The following PACC1 variants were observed in gnomAD, a reference collection of about 807,000 sequenced individuals.
PACC1 encodes the protein proton-activated chloride channel.
Under a neutral mutation model 39.7 loss-of-function variants are expected in PACC1, and 34 were observed. The ratio of observed to expected loss-of-function variants is 0.86; its 90% CI spans 0.65 to 1.14. PACC1 has a LOEUF of 1.14. Among genes scored for constraint, PACC1 ranks in the 50% most tolerant of loss-of-function variants. The pLI is 0.00. For synonymous variants in PACC1, 127 were observed against 160.6 expected (o/e 0.79, Z 1.58); for missense variants, 379 against 436.4 (o/e 0.87, Z 1.17).
rs900689039 is a variant in PACC1, at chr1:212,378,063, G to A, written c.639-357C>T. The stretch of plus-strand genomic sequence containing the variant: ...TGGCAGAAGCTCCCCAGAACATGGC[G>A]CTCACAGCTCCTCAGAGAACTCTGG... On this transcript the variant is annotated intron_variant, in intron 5 of 7. Coordinates refer to ENST00000261455, the MANE Select transcript of PACC1 (RefSeq NM_018252.3). Among the ~76,000 whole-genome samples, 8 of 152,226 alleles carry A rather than the reference G, an allele frequency of 5.3e-5. 1 individual carries two copies. The highest frequency in any genetic ancestry group is 3.9e-4 in the East Asian group (2 of 5,170).
At chr1:212,393,404 A>G (rs1439323222) in intron 2 of PACC1, among the ~76,000 whole-genome samples, 5 of 152,244 alleles carry the variant, frequency 3.3e-5, no homozygotes, top group Non-Finnish European at 7.3e-5. Context: ...GAAAGACACA[A>G]CATACCAGAA....
At chr1:212,375,172 A>G (rs367578114) in intron 7 of PACC1, 21 bp downstream of exon 7, 2 of 1,518,732 alleles carry the variant, frequency 1.3e-6, no homozygotes, top group African/African-American at 2.7e-5. Context: ...AAATAATACT[A>G]TCATAATCTT....
chr1:212,407,790 G>A (rs1436505211), intron 2 of PACC1, among the ~76,000 whole-genome samples: 2 of 152,098 alleles, frequency 1.3e-5, no homozygotes, highest in African/African-American at 4.8e-5. Context: ...AACCACTGAT[G>A]TAGGCCAGGT....
intron 4 of PACC1, among the ~76,000 whole-genome samples, chr1:212,381,695 G>GCA (rs58078220): frequency 0.024 from 2,970 of 122,792 alleles, 38 homozygotes; most frequent in East Asian, 0.049. Flanking sequence ...CACACACACT[G>GCA]CACACACACA....
At chr1:212,414,316 C>G (rs1662248977) in intron 1 of PACC1, among the ~76,000 whole-genome samples, 2 of 152,228 alleles carry the variant, frequency 1.3e-5, no homozygotes, top group African/African-American at 4.8e-5. Flanking sequence ...CGCATCAGAT[C>G]TCGCCGGGAG....
At chr1:212,380,270 T>A (rs1315339616) in intron 4 of PACC1, among the ~76,000 whole-genome samples, 1 of 152,198 alleles carries the variant, frequency 6.6e-6, no homozygotes, top group Non-Finnish European at 1.5e-5. Flanking sequence ...ACTTTTCTCA[T>A]TGGTTCTTTG....
chr1:212,386,821 C>A lies in PACC1; in HGVS notation c.343+70G>T. On this transcript the variant is annotated intron_variant, in intron 3 of 7. Transcript: ENST00000261455. The surrounding 1 kb of genome is among the most constrained non-coding windows in gnomAD (Gnocchi z 5.0). ...CGTAGTACCACAAATACAACGGCAG[C>A]TCAGGGAGTATCTGCCAGCTGACAC... is the stretch of plus-strand genomic sequence containing the variant. 1 of 1,474,058 alleles carries A rather than the reference C, an allele frequency of 6.8e-7. No individual in the cohort carries two copies. Among genetic ancestry groups the A allele is most frequent in the South Asian group, 1.2e-5 (1 of 86,654 alleles). 91.3% of individuals were successfully genotyped at this position (1,474,058 alleles called of 1,614,324 possible). A position where few individuals can be genotyped will look rare whatever the true frequency, so the allele number is the denominator to read the frequency against.
chr1:212,381,770 GACACACAC>G (rs10529310), intron 4 of PACC1, among the ~76,000 whole-genome samples: 11 of 118,078 alleles, frequency 9.3e-5, no homozygotes, highest in African/African-American at 4.0e-4. Context: ...ACAGCACAGT[GACACACAC>G]ACACACACAC....
intron 7 of PACC1, among the ~76,000 whole-genome samples, chr1:212,365,664 T>C (rs1660213389): frequency 6.6e-6 from 1 of 152,060 alleles, no homozygotes; most frequent in Non-Finnish European, 1.5e-5. Flanking sequence ...ATAAGAAAAA[T>C]ACCTGGGTTC....
At position 212,365,103 on chromosome 1, in the gene PACC1, A is replaced by G; in HGVS notation, c.*112T>C. On this transcript the variant is annotated 3_prime_UTR_variant, in exon 8 of 8. Coordinates refer to ENST00000261455, the MANE Select transcript of PACC1 (RefSeq NM_018252.3). ...AGTTTTACATGCTGTTCCTCCCAGC[A>G]AGGCCCCATTTCTTCAAGTGAGTAC... 1 of 1,109,980 alleles carries G rather than the reference A, an allele frequency of 9.0e-7. No homozygotes were observed. The highest frequency in any genetic ancestry group is 1.3e-6 in the Non-Finnish European group (1 of 795,466). The allele number at this position is 1,109,980 out of a possible 1,614,324, so 68.8% of individuals were successfully genotyped here.
intron 7 of PACC1, among the ~76,000 whole-genome samples, chr1:212,374,174 T>G (rs1028495415): frequency 2.0e-5 from 3 of 151,262 alleles, no homozygotes; most frequent in African/African-American, 4.9e-5. Context: ...TTAGGATGAA[T>G]GGATAAGGAA....
At chr1:212,391,020 G>T (rs1220205150) in intron 2 of PACC1, among the ~76,000 whole-genome samples, 1 of 152,250 alleles carries the variant, frequency 6.6e-6, no homozygotes, top group Non-Finnish European at 1.5e-5. Flanking sequence ...TGGGGGCAGG[G>T]CATAGCCGAA....
chr1:212,396,797 TATCTATCTATC>T (rs754564867), intron 2 of PACC1, among the ~76,000 whole-genome samples: 66 of 582 alleles, frequency 0.11, no homozygotes, highest in East Asian at 0.23. Context: ...GGGAAAAAAA[TATCTATCTATC>T]TATCTATCTA....
In PACC1 at chr1:212,364,376, T is replaced by TG. The variant is rs34977783; in HGVS notation, c.*838dup. ...CATACCTTGGGAGTCAGATCCATCTTGGGAGTCCAGACTCATACTACCTTT... is the reference window on the plus strand; with the variant it reads ...CATACCTTGGGAGTCAGATCCATCTTGGGGAGTCCAGACTCATACTACCTTT... On this transcript the variant is annotated 3_prime_UTR_variant, in exon 8 of 8. Transcript: ENST00000261455. 6.6e-6 allele frequency: 1 copy of TG among 152,206 alleles called. No homozygotes were observed. The highest frequency in any genetic ancestry group is 6.5e-5 in the Admixed American group (1 of 15,274). 9.4% of individuals were successfully genotyped at this position (152,206 alleles called of 1,614,324 possible). A position where few individuals can be genotyped will look rare whatever the true frequency, so the allele number is the denominator to read the frequency against.
At position 212,410,486 on chromosome 1, in the gene PACC1, T is replaced by C; in HGVS notation, c.72A>G (p.Ser24=). ...CCTTGTCCTGCTCGTCTGCCAGCTC[T>C]GAGTTCTCAACCACCTGGACCAACT... The part of the protein sequence containing the change: ...SEELVQVVEN[S]ELADEQDKET... The change falls in exon 2 of 8, where the codon TCA becomes TCG. Residue 24 remains serine (S), a synonymous_variant. Transcript: ENST00000261455. 1 of 1,614,198 alleles carries C rather than the reference T, an allele frequency of 6.2e-7. No individual in the cohort carries two copies.
chr1:212,377,432 T>G, intron 6 of PACC1, 130 bp downstream of exon 6: 1 of 1,277,658 alleles, frequency 7.8e-7, no homozygotes, highest in Non-Finnish European at 1.1e-6. Flanking sequence ...GAGTCCCTTC[T>G]CATCCTGACC....
chr1:212,414,212 T>G (rs960822610), intron 1 of PACC1: 4 of 997,540 alleles, frequency 4.0e-6, no homozygotes, highest in Non-Finnish European at 5.6e-6. Context: ...CAAAGTTAGG[T>G]GGTCACCAAA....
In PACC1 at chr1:212,364,525, A is replaced by G. The variant is rs1156553856; in HGVS notation, c.*690T>C. On this transcript the variant is annotated 3_prime_UTR_variant, in exon 8 of 8. Coordinates refer to ENST00000261455, the MANE Select transcript of PACC1 (RefSeq NM_018252.3). ...CTGTTAATGAAATCATCAAAATACAATGAGTAGGCACCTTCTATGTACATC... is the reference window on the plus strand; with the variant it reads ...CTGTTAATGAAATCATCAAAATACAGTGAGTAGGCACCTTCTATGTACATC... 6.5e-6 allele frequency: 1 copy of G among 152,674 alleles called. No individual in the cohort carries two copies. The allele number at this position is 152,674 out of a possible 1,614,324, so 9.5% of individuals were successfully genotyped here.
intron 7 of PACC1, among the ~76,000 whole-genome samples, chr1:212,374,193 G>A (rs1660566075): frequency 6.8e-6 from 1 of 147,280 alleles, no homozygotes; most frequent in African/African-American, 2.7e-5. Context: ...AAAATGTGGT[G>A]TGTATATATA....
Sources: allele counts gnomAD v4.1 joint callset (sites outside exome capture counted in the v4.1 genomes callset), GRCh38; gene constraint gnomAD v4.1.1; non-coding constraint Gnocchi (gnomAD v3.1); transcripts MANE v1.5; gene names NCBI Gene and HGNC (gene_info 2026-07-23, HGNC 2026-07-21).